The following CDH18 variants were observed in gnomAD, a reference collection of about 807,000 sequenced individuals.
CDH18 encodes cadherin-18.
A neutral mutation model predicts 67.9 loss-of-function variants in CDH18; 31 were observed. That is an observed-to-expected ratio of 0.46 (90% CI 0.34 to 0.62). The LOEUF (loss-of-function observed/expected upper bound fraction) is 0.62, where lower values mean the gene tolerates loss of function less well. Among genes scored for constraint, CDH18 ranks in the 20% least tolerant of loss-of-function variants. The pLI, the probability that CDH18 is intolerant of heterozygous loss-of-function variation, is 0.01. For missense variants in CDH18, 890 were observed against 975.5 expected (o/e 0.91, Z 1.17); for synonymous variants, 362 against 347.2 (o/e 1.04, Z -0.48).
chr5:19,665,472 T>G (rs1757777196), intron 5 of CDH18, among the ~76,000 whole-genome samples: 1 of 152,124 alleles, frequency 6.6e-6, no homozygotes. Flanking sequence ...AAATGCTGCT[T>G]CTTATCAGTA....
chr5:20,553,552 A>G (rs1475201249), intron 1 of CDH18, among the ~76,000 whole-genome samples: 1 of 152,222 alleles, frequency 6.6e-6, no homozygotes, highest in Non-Finnish European at 1.5e-5. Context: ...CAGATGAAGA[A>G]TCTTGGTAAA....
intron 2 of CDH18, among the ~76,000 whole-genome samples, chr5:20,044,724 C>A (rs955052259): frequency 6.6e-6 from 1 of 151,980 alleles, no homozygotes; most frequent in African/African-American, 2.4e-5. Context: ...GCAGTTAAAC[C>A]ATAGAGCCAG....
chr5:19,651,116 ACAAT>A (rs908171751), intron 5 of CDH18, among the ~76,000 whole-genome samples: 1 of 152,038 alleles, frequency 6.6e-6, no homozygotes. Context: ...GCCTCAGTCT[ACAAT>A]CAAAGACGAT....
chr5:19,850,973 A>T (rs554149297), intron 2 of CDH18, among the ~76,000 whole-genome samples: 1 of 152,026 alleles, frequency 6.6e-6, no homozygotes, highest in African/African-American at 2.4e-5. Flanking sequence ...CATTCAAAAG[A>T]CTGAATATAT....
At chr5:20,234,084 A>G (rs1424878251) in intron 2 of CDH18, among the ~76,000 whole-genome samples, 1 of 152,138 alleles carries the variant, frequency 6.6e-6, no homozygotes, top group Non-Finnish European at 1.5e-5. Context: ...GGGGAGAAAA[A>G]AAGAATATTT....
At chr5:20,061,318 G>T (rs1022086995) in intron 2 of CDH18, among the ~76,000 whole-genome samples, 1 of 151,908 alleles carries the variant, frequency 6.6e-6, no homozygotes, top group Non-Finnish European at 1.5e-5. Flanking sequence ...AACACAATTA[G>T]AAATGAATAT....
At chr5:20,190,190 C>T (rs1218064750) in intron 2 of CDH18, among the ~76,000 whole-genome samples, 1 of 152,090 alleles carries the variant, frequency 6.6e-6, no homozygotes, top group Non-Finnish European at 1.5e-5. Context: ...GTGCTGAGCT[C>T]TGCTCCAAAA....
intron 2 of CDH18, among the ~76,000 whole-genome samples, chr5:20,145,176 T>A (rs1389726246): frequency 6.6e-6 from 1 of 152,116 alleles, no homozygotes; most frequent in Admixed American, 6.6e-5. Context: ...AATACTAAAA[T>A]TTATACATAA....
intron 10 of CDH18, among the ~76,000 whole-genome samples, chr5:19,516,713 A>G (rs996608656): frequency 2.8e-4 from 42 of 151,576 alleles, no homozygotes; most frequent in Non-Finnish European, 1.3e-4. Context: ...ATCATTTTTT[A>G]TTGTGTCTAT....
At chr5:20,324,294 C>T (rs1345454894) in intron 1 of CDH18, among the ~76,000 whole-genome samples, 4 of 152,052 alleles carry the variant, frequency 2.6e-5, no homozygotes, top group African/African-American at 7.2e-5. Flanking sequence ...AATCCCAGCA[C>T]TTTGGGAGGC....
At position 19,994,849 on chromosome 5, in the gene CDH18, T is replaced by TAGAG. The variant is rs1186725188; in HGVS notation, c.-517-2836_-517-2835insCTCT. The stretch of plus-strand genomic sequence containing the variant: ...AAGAGAATATATATATATATATATA[T>TAGAG]ATATATAGAGAGAGAGAGAGAGAGA... On this transcript the variant is annotated intron_variant, in intron 2 of 14. Coordinates refer to the CDH18 transcript ENST00000507958. 8.2e-3 allele frequency among the ~76,000 whole-genome samples: 264 copies of TAGAG among 32,322 alleles called. 27 individuals carry two copies. The highest frequency in any genetic ancestry group is 0.042 in the East Asian group (24 of 578). The allele number at this position is 32,322 out of a possible 152,430, so 21.2% of individuals were successfully genotyped here.
intron 5 of CDH18, among the ~76,000 whole-genome samples, chr5:19,688,424 T>A (rs535854059): frequency 5.9e-5 from 9 of 152,080 alleles, no homozygotes; most frequent in Non-Finnish European, 1.2e-4. Context: ...ATCACAGACA[T>A]CATTGCTGTT....
intron 1 of CDH18, among the ~76,000 whole-genome samples, chr5:20,410,541 G>A (rs778594813): frequency 2.2e-4 from 33 of 151,702 alleles, no homozygotes; most frequent in African/African-American, 4.6e-4. Context: ...AAGGCCAAGA[G>A]TAACACATTC....
chr5:19,883,284 T>C (rs777498241), intron 2 of CDH18, among the ~76,000 whole-genome samples: 20 of 152,164 alleles, frequency 1.3e-4, no homozygotes, highest in Admixed American at 3.3e-4. Flanking sequence ...AACAGTTCTT[T>C]GAAACGAAGA....
chr5:20,539,179 C>A (rs992311832), intron 1 of CDH18, among the ~76,000 whole-genome samples: 10 of 152,032 alleles, frequency 6.6e-5, no homozygotes, highest in African/African-American at 2.4e-4. Flanking sequence ...GTGTGAGCCA[C>A]CGCACTGGGT....
At chr5:19,492,461 A>G (rs1243855481) in intron 11 of CDH18, among the ~76,000 whole-genome samples, 1 of 152,130 alleles carries the variant, frequency 6.6e-6, no homozygotes, top group Non-Finnish European at 1.5e-5. Flanking sequence ...TTCACTATAG[A>G]TGTGAAGTTA....
intron 1 of CDH18, among the ~76,000 whole-genome samples, chr5:20,405,192 CA>C (rs1358992814): frequency 1.3e-5 from 2 of 152,162 alleles, no homozygotes; most frequent in African/African-American, 4.8e-5. Context: ...AACTATACTA[CA>C]AGGCTACAGT....
intron 2 of CDH18, among the ~76,000 whole-genome samples, chr5:19,956,809 A>G (rs1340114261): frequency 2.0e-5 from 3 of 151,892 alleles, no homozygotes; most frequent in Non-Finnish European, 4.4e-5. Context: ...CGATCACTGT[A>G]TTAGAAAAAT....
intron 2 of CDH18, among the ~76,000 whole-genome samples, chr5:20,032,297 T>C (rs574922896): frequency 6.6e-6 from 1 of 151,548 alleles, no homozygotes; most frequent in African/African-American, 2.4e-5. Flanking sequence ...CCAGTGACTG[T>C]CCCTGACTTT....
Sources: gnomAD v4.1 joint callset for allele counts (sites outside exome capture counted in the v4.1 genomes callset) on GRCh38, gnomAD v4.1.1 for gene constraint, MANE v1.5 for transcripts, NCBI Gene and HGNC (gene_info 2026-07-23, HGNC 2026-07-21) for gene names.